The following LETM1 variants were observed in gnomAD, a reference collection of about 807,000 sequenced individuals.
The protein encoded by LETM1 is leucine zipper and EF-hand containing transmembrane protein 1.
LETM1 carries 50 observed loss-of-function variants against 74.5 expected under a neutral mutation model. The ratio of observed to expected loss-of-function variants is 0.67; its 90% CI spans 0.53 to 0.85. LETM1 has a LOEUF of 0.85. Ranked by LOEUF, LETM1 falls within the 40% of genes least tolerant of loss-of-function variation. LETM1 has a pLI of 0.00. For synonymous variants in LETM1, 446 were observed against 407.1 expected (o/e 1.10, Z -1.15); for missense variants, 824 against 967.8 (o/e 0.85, Z 1.97).
intron 10 of LETM1, 149 bp downstream of exon 10, chr4:1,822,032 T>G: frequency 1.3e-6 from 1 of 760,280 alleles, no homozygotes; most frequent in Non-Finnish European, 1.9e-6. Context: ...AGGGGCCCAG[T>G]GGCCTCATCC....
Position 1,856,117 on chromosome 4 carries a change from G to C in LETM1, c.-167C>G. On this transcript the variant is annotated 5_prime_UTR_variant, in exon 1 of 14. Coordinates refer to ENST00000302787, the MANE Select transcript of LETM1 (RefSeq NM_012318.3). Reference sequence around the variant, plus strand: ...CTCTCCTCAAGGACCCGGCACCAGCGGCGGCCTTGTCCCGGCACAGACGTC... The same window carrying C: ...CTCTCCTCAAGGACCCGGCACCAGCCGCGGCCTTGTCCCGGCACAGACGTC... The C allele has an allele frequency of 2.7e-6, 1 of 363,664 alleles. No individual in the cohort carries two copies. Among genetic ancestry groups the C allele is most frequent in the African/African-American group, 2.1e-5 (1 of 46,788 alleles). The allele number at this position is 363,664 out of a possible 1,614,324, so 22.5% of individuals were successfully genotyped here.
intron 2 of LETM1, among the ~76,000 whole-genome samples, chr4:1,848,032 C>T (rs368800473): frequency 3.5e-4 from 53 of 151,646 alleles, no homozygotes; most frequent in African/African-American, 1.2e-3. Context: ...GAAAATGCAA[C>T]CTTAAGGAAA....
rs780018158 is a variant in LETM1, at chr4:1,836,559, C to A, written c.608G>T (p.Cys203Phe). Reference sequence around the variant, plus strand: ...CGGCACCAGGCGGAAGAGGTCAGCGCAGATCCGGAGAAACTGGAAGGGGCG... The same window carrying A: ...CGGCACCAGGCGGAAGAGGTCAGCGAAGATCCGGAGAAACTGGAAGGGGCG... ...RRERRQFLRI[C>F]ADLFRLVPFL... The change falls in exon 4 of 14, where the codon TGC (cysteine) becomes TTC (phenylalanine). Residue 203 changes from cysteine (C) to phenylalanine (F), a missense_variant. Transcript: ENST00000302787. The surrounding 1 kb of genome is among the most constrained non-coding windows in gnomAD (Gnocchi z 5.8). The A allele has an allele frequency of 1.2e-6, 2 of 1,613,674 alleles. No homozygotes were observed. Among genetic ancestry groups the A allele is most frequent in the African/African-American group, 2.7e-5 (2 of 74,832 alleles).
At chr4:1,827,927 C>T (rs1329903505) in intron 6 of LETM1, among the ~76,000 whole-genome samples, 2 of 148,702 alleles carry the variant, frequency 1.3e-5, no homozygotes, top group Non-Finnish European at 3.0e-5. Context: ...GGGCTGACCC[C>T]CCAACCTCCC....
At chr4:1,850,522 C>T (rs191364171) in intron 1 of LETM1, among the ~76,000 whole-genome samples, 13 of 151,556 alleles carry the variant, frequency 8.6e-5, no homozygotes, top group South Asian at 6.3e-4. Context: ...ACAACCGGAC[C>T]GGGCGCAGTG....
At chr4:1,827,336 AGG>A (rs1390402304) in intron 6 of LETM1, among the ~76,000 whole-genome samples, 1 of 115,436 alleles carries the variant, frequency 8.7e-6, no homozygotes, top group Non-Finnish European at 1.7e-5. Context: ...TTTCTCACAG[AGG>A]GGGATTTGGC....
intron 2 of LETM1, among the ~76,000 whole-genome samples, chr4:1,843,991 G>C (rs1712793989): frequency 6.6e-6 from 1 of 152,188 alleles, no homozygotes; most frequent in Non-Finnish European, 1.5e-5. Flanking sequence ...CCTCCTCCCT[G>C]CATCAAGCTG....
intron 7 of LETM1, 117 bp from the exon 8 acceptor site, chr4:1,823,892 A>G: frequency 8.3e-7 from 1 of 1,198,218 alleles, no homozygotes; most frequent in Non-Finnish European, 1.2e-6. Context: ...CTCAAGTTCT[A>G]CAAGGTCTGT....
intron 6 of LETM1, among the ~76,000 whole-genome samples, chr4:1,831,113 T>TC (rs916202435): frequency 1.3e-5 from 2 of 151,838 alleles, no homozygotes; most frequent in Admixed American, 6.6e-5. Flanking sequence ...GCAGCCATCG[T>TC]CCCCCCCAGC....
chr4:1,840,649 C>CAG (rs1458126170), intron 3 of LETM1, among the ~76,000 whole-genome samples: 1 of 151,332 alleles, frequency 6.6e-6, no homozygotes, highest in African/African-American at 2.4e-5. Context: ...GCCTGGGCGA[C>CAG]AGTGAGACTC....
Position 1,812,118 on chromosome 4 carries a change from G to A in LETM1, c.*2306C>T, listed in dbSNP as rs955633738. 6.7e-6 allele frequency: 1 copy of A among 149,584 alleles called. No individual in the cohort carries two copies. Among genetic ancestry groups the A allele is most frequent in the Admixed American group, 6.7e-5 (1 of 14,860 alleles). 9.3% of individuals were successfully genotyped at this position (149,584 alleles called of 1,614,324 possible). Reference sequence around the variant, plus strand: ...GGAGGCTGAGGCAGGAGAATGGCGTGAACCCAGGAAGCGGAGCTGGCAGTG... The same window carrying A: ...GGAGGCTGAGGCAGGAGAATGGCGTAAACCCAGGAAGCGGAGCTGGCAGTG... On this transcript the variant is annotated 3_prime_UTR_variant, in exon 14 of 14. Transcript: ENST00000302787.
chr4:1,830,078 T>C (rs1712213951), intron 6 of LETM1, among the ~76,000 whole-genome samples: 1 of 152,224 alleles, frequency 6.6e-6, no homozygotes, highest in Admixed American at 6.5e-5. Context: ...GAGGTACTTT[T>C]TCAGCCCTGC....
chr4:1,814,640 G>A (rs1722556887), intron 13 of LETM1, 67 bp from the exon 14 acceptor site: 2 of 1,437,446 alleles, frequency 1.4e-6, no homozygotes, highest in African/African-American at 1.4e-5. Context: ...CAGAGGCGGG[G>A]CCAGCGCCGT....
intron 6 of LETM1, among the ~76,000 whole-genome samples, chr4:1,832,302 CAA>C (rs1295738776): frequency 1.4e-5 from 2 of 140,422 alleles, no homozygotes. Flanking sequence ...AACACCGTCT[CAA>C]AAAAAAAAAG....
Position 1,834,861 on chromosome 4 carries a change from G to T in LETM1, c.860C>A (p.Ser287Tyr), listed in dbSNP as rs773416609. The T allele has an allele frequency of 1.2e-6, 2 of 1,614,072 alleles. No homozygotes were observed. Among genetic ancestry groups the T allele is most frequent in the Non-Finnish European group, 1.7e-6 (2 of 1,180,032 alleles). The change falls in exon 5 of 14, where the codon TCT (serine) becomes TAT (tyrosine). Residue 287 changes from serine to tyrosine, a missense_variant. Physicochemically the swap from Ser to Tyr is moderately radical, Grantham distance 144. Coordinates refer to ENST00000302787, the MANE Select transcript of LETM1 (RefSeq NM_012318.3). The surrounding 1 kb of genome is among the most constrained non-coding windows in gnomAD (Gnocchi z 5.0). Reference protein sequence around the residue: ...AAKGSATKDFSVFFQKIRETG... With the variant: ...AAKGSATKDFYVFFQKIRETG... ...TCACAGCACCTTCTGGAAAAACACA[G>T]AGAAGTCTTTGGTGGCGCTGCCCTT... is the stretch of plus-strand genomic sequence containing the variant.
Position 1,841,686 on chromosome 4 carries a change from T to C in LETM1, c.255A>G (p.Arg85=), listed in dbSNP as rs143921801. 1 of 1,614,140 alleles carries C rather than the reference T, an allele frequency of 6.2e-7. No homozygotes were observed. Among genetic ancestry groups the C allele is most frequent in the African/African-American group, 1.3e-5 (1 of 75,034 alleles). ...CCACAGAGGTAGAGGTCCATGGCGC[T>C]CTCGACACTATGCGAAGGCACTCGG... ...LRPECLRIVS[R]APWTSTSVGF... The change falls in exon 3 of 14, where the codon AGA becomes AGG. Residue 85 remains arginine (R), a synonymous_variant. Transcript: ENST00000302787.
chr4:1,839,993 C>G (rs1038322846), intron 3 of LETM1, among the ~76,000 whole-genome samples: 3 of 151,646 alleles, frequency 2.0e-5, no homozygotes, highest in African/African-American at 2.4e-5. Context: ...GCAAATTAAT[C>G]AAACCCAAAG....
At chr4:1,824,753 A>G (rs1374760757) in intron 7 of LETM1, among the ~76,000 whole-genome samples, 1 of 152,214 alleles carries the variant, frequency 6.6e-6, no homozygotes, top group African/African-American at 2.4e-5. Flanking sequence ...TGTGTGGCCC[A>G]TATCCCCACG....
intron 2 of LETM1, among the ~76,000 whole-genome samples, chr4:1,843,478 A>C (rs2108853052): frequency 6.6e-6 from 1 of 152,368 alleles, no homozygotes; most frequent in East Asian, 1.9e-4. Context: ...CAGAAGCCAG[A>C]GCAGCAGGGG....
Sources: allele counts gnomAD v4.1 joint callset (sites outside exome capture counted in the v4.1 genomes callset), GRCh38; gene constraint gnomAD v4.1.1; non-coding constraint Gnocchi (gnomAD v3.1); transcripts MANE v1.5; gene names NCBI Gene and HGNC (gene_info 2026-07-23, HGNC 2026-07-21).